R3HDML: variants seen among roughly 807,000 people sequenced by gnomAD.
The protein encoded by R3HDML is peptidase inhibitor R3HDML.
In R3HDML, 21 loss-of-function variants were observed where a neutral mutation model predicts 24.2. The observed-to-expected ratio is 0.87, with a 90% confidence interval of 0.62 to 1.25. The LOEUF is 1.25. Among genes scored for constraint, R3HDML ranks in the 50% most tolerant of loss-of-function variants. The pLI is 0.00. For missense variants in R3HDML, 301 were observed against 340.3 expected, an observed-to-expected ratio of 0.88 and a Z score of 0.91; for synonymous variants, 133 against 131.5, an observed-to-expected ratio of 1.01 and a Z score of -0.08.
intron 4 of R3HDML, among the ~76,000 whole-genome samples, chr20:44,348,475 T>C (rs888364033): frequency 9.1e-6 from 1 of 110,170 alleles, no homozygotes. Flanking sequence ...TTTCTCCTTT[T>C]CCCTTTCTCC....
At chr20:44,342,825 A>G (rs1430684485) in intron 2 of R3HDML, among the ~76,000 whole-genome samples, 2 of 152,146 alleles carry the variant, frequency 1.3e-5, no homozygotes, top group Non-Finnish European at 2.9e-5. Flanking sequence ...ATGCAGGTGC[A>G]TACCTGCAGT....
At chr20:44,343,624 T>G in intron 3 of R3HDML, 115 bp downstream of exon 3, 1 of 1,119,606 alleles carries the variant, frequency 8.9e-7, no homozygotes, top group Non-Finnish European at 1.2e-6. Flanking sequence ...TGAGCTTCTT[T>G]TCACCAAAGA....
At position 44,341,279 on chromosome 20, in the gene R3HDML, A is replaced by C; in HGVS notation, c.345A>C (p.Arg115Ser). Residue 115 changes from arginine to serine, a missense_variant, in exon 2 of 5, where the codon AGA (arginine) becomes AGC (serine). Arg to Ser is a moderately radical substitution (Grantham distance 110, BLOSUM62 -1). Coordinates refer to ENST00000217043, the MANE Select transcript of R3HDML (RefSeq NM_178491.4). Reference protein sequence around the residue: ...IWAHGPSQLMRYVGQNLSIHS... With the variant: ...IWAHGPSQLMSYVGQNLSIHS... ...CACATGGGCCTTCACAGCTGATGAG[A>C]TACGTGGGCCAGAACCTCTCCATCC... 6.2e-7 allele frequency: 1 copy of C among 1,614,126 alleles called. No individual in the cohort carries two copies. Among genetic ancestry groups the C allele is most frequent in the South Asian group, 1.1e-5 (1 of 91,074 alleles).
chr20:44,347,056 C>T (rs1173728080), intron 4 of R3HDML, among the ~76,000 whole-genome samples: 2 of 152,094 alleles, frequency 1.3e-5, no homozygotes, highest in African/African-American at 4.8e-5. Context: ...GCAGGAGAAT[C>T]GCTTGAGCCT....
intron 4 of R3HDML, among the ~76,000 whole-genome samples, chr20:44,346,290 T>G (rs979836451): frequency 2.0e-5 from 3 of 152,006 alleles, no homozygotes; most frequent in Non-Finnish European, 2.9e-5. Context: ...CCTCGCTAAT[T>G]TTTTGTAGAG....
In R3HDML at chr20:44,350,769, TC is replaced by T. The variant is rs1245719419; in HGVS notation, c.741del (p.Asn248ThrfsTer42). 6.2e-7 allele frequency: 1 copy of T among 1,613,960 alleles called. No homozygotes were observed. The highest frequency in any genetic ancestry group is 1.7e-5 in the Admixed American group (1 of 59,972). On this transcript the variant is annotated frameshift_variant, in exon 5 of 5. Coordinates refer to ENST00000217043, the MANE Select transcript of R3HDML (RefSeq NM_178491.4). LOFTEE classifies it high-confidence loss of function. ...NSNMCFKGLK[S>X]NKFTWF ...CAACATGTGCTTCAAGGGGCTGAAATCCAACAAGTTCACGTGGTTCTGAATT... is the reference window on the plus strand; with the variant it reads ...CAACATGTGCTTCAAGGGGCTGAAATCAACAAGTTCACGTGGTTCTGAATT...
At chr20:44,343,944 C>T (rs570979267) in intron 3 of R3HDML, among the ~76,000 whole-genome samples, 6 of 152,064 alleles carry the variant, frequency 3.9e-5, no homozygotes, top group Non-Finnish European at 8.8e-5. Context: ...TTGAGAGCAG[C>T]CTAGGCAACA....
At chr20:44,348,628 G>T (rs185085537) in intron 4 of R3HDML, among the ~76,000 whole-genome samples, 1 of 151,914 alleles carries the variant, frequency 6.6e-6, no homozygotes, top group African/African-American at 2.4e-5. Context: ...AGCCTCCCCA[G>T]TAGCTGGGAC....
rs1428852967 is a variant in R3HDML, at chr20:44,343,688, TTTTGTTTTTTGTTTG to T, written c.513+191_513+205del. Among the ~76,000 whole-genome samples, 4 of 152,272 alleles carry T rather than the reference TTTTGTTTTTTGTTTG, an allele frequency of 2.6e-5. No individual in the cohort carries two copies. In the East Asian group the frequency reaches 5.8e-4, roughly 22 times the overall value. ...ATGAATTGAGGTGAATCTTTTTTGT[TTTTGTTTTTTGTTTG>T]TTTGTTTTTTGAGACAGAGTCTCAC... On this transcript the variant is annotated intron_variant, in intron 3 of 4. Transcript: ENST00000217043.
At chr20:44,341,116 A>T in intron 1 of R3HDML, 80 bp from the exon 2 acceptor site, 1 of 1,163,388 alleles carries the variant, frequency 8.6e-7, no homozygotes, top group Non-Finnish European at 1.3e-6. Context: ...AAACGGCACC[A>T]GGTAAATGTG....
At chr20:44,350,007 C>G (rs940445774) in intron 4 of R3HDML, among the ~76,000 whole-genome samples, 2 of 152,140 alleles carry the variant, frequency 1.3e-5, no homozygotes, top group Admixed American at 1.3e-4. Flanking sequence ...GAGGCGGAGG[C>G]TGCAGTGAGC....
chr20:44,350,489 AAAAT>A (rs141709514), intron 4 of R3HDML, 167 bp from the exon 5 acceptor site: 163 of 541,568 alleles, frequency 3.0e-4, no homozygotes, highest in Middle Eastern at 5.0e-4. Context: ...AGAGCAAAAC[AAAAT>A]AAATAAATAA....
At chr20:44,338,754 G>A (rs6073412) in intron 1 of R3HDML, among the ~76,000 whole-genome samples, 19,353 of 152,092 alleles carry the variant, frequency 0.13, 1,410 homozygotes, top group Middle Eastern at 0.19. Flanking sequence ...CATGAGGGAA[G>A]CACTCCTCTG....
At chr20:44,341,777 C>T (rs780965248) in intron 2 of R3HDML, among the ~76,000 whole-genome samples, 7 of 151,992 alleles carry the variant, frequency 4.6e-5, no homozygotes, top group South Asian at 2.1e-4. Context: ...CCCAAGTACT[C>T]GGGAGGCTGA....
At chr20:44,346,882 C>T (rs1195088447) in intron 4 of R3HDML, among the ~76,000 whole-genome samples, 1 of 152,230 alleles carries the variant, frequency 6.6e-6, no homozygotes, top group African/African-American at 2.4e-5. Context: ...TGTCTTACAC[C>T]TGCAATCCCA....
chr20:44,340,650 G>C (rs548460650), intron 1 of R3HDML, among the ~76,000 whole-genome samples: 41 of 152,002 alleles, frequency 2.7e-4, no homozygotes, highest in Non-Finnish European at 5.9e-4. Context: ...GCCAGGTGTG[G>C]TGGCATGCGC....
rs779485011 is a variant in R3HDML at position 44,345,313 on chromosome 20, T to C, written c.564T>C (p.Ser188=). The change falls in exon 4 of 5, where the codon AGT becomes AGC. Residue 188 remains serine, a synonymous_variant. Transcript: ENST00000217043. ...NRLGCAIHTC[S]SISVWGNTWH... The stretch of plus-strand genomic sequence containing the variant: ...TGGGCTGTGCCATCCACACCTGTAG[T>C]AGCATCAGTGTCTGGGGCAACACCT... 5.6e-6 allele frequency: 9 copies of C among 1,614,058 alleles called. No homozygotes were observed. In the African/African-American group the frequency reaches 8.0e-5, roughly 14 times the overall value.
rs375615013 is a variant in R3HDML at position 44,337,179 on chromosome 20, G to T, written c.22G>T (p.Val8Leu). The change falls in exon 1 of 5, where the codon GTG (valine) becomes TTG (leucine). Residue 8 changes from valine to leucine, a missense_variant. By Grantham distance (32) the Val-to-Leu change is conservative. Coordinates refer to ENST00000217043, the MANE Select transcript of R3HDML (RefSeq NM_178491.4). This position sits in a 1 kb window ranked among gnomAD's most constrained non-coding sequence, Gnocchi z 4.7. ...AGCTATGCCCCTGCTGCCCAGCACC[G>T]TGGGCCTGGCAGGCCTGCTCTTCTG... Reference protein sequence around the residue: MPLLPSTVGLAGLLFWAG... With the variant: MPLLPSTLGLAGLLFWAG... The T allele has an allele frequency of 6.2e-7, 1 of 1,613,330 alleles. No homozygotes were observed. The highest frequency in any genetic ancestry group is 8.5e-7 in the Non-Finnish European group (1 of 1,179,872).
intron 3 of R3HDML, chr20:44,345,009 TTG>T (rs1196333707): frequency 2.0e-6 from 1 of 491,984 alleles, no homozygotes; most frequent in East Asian, 3.8e-5. Flanking sequence ...CTTGTTCAAA[TTG>T]TGTGTATGTG....
Sources: gnomAD v4.1 joint callset for allele counts (sites outside exome capture counted in the v4.1 genomes callset) on GRCh38, gnomAD v4.1.1 for gene constraint, Gnocchi (gnomAD v3.1) non-coding constraint, MANE v1.5 for transcripts, NCBI Gene and HGNC (gene_info 2026-07-23, HGNC 2026-07-21) for gene names.